Variants in SYTL5 observed in about 807,000 individuals in gnomAD.
SYTL5 encodes the protein synaptotagmin-like protein 5.
Under a neutral mutation model 55.9 loss-of-function variants are expected in SYTL5, and 34 were observed. The ratio of observed to expected loss-of-function variants is 0.61; its 90% CI spans 0.46 to 0.81. The LOEUF (loss-of-function observed/expected upper bound fraction) is 0.81, where lower values mean the gene tolerates loss of function less well. SYTL5 is among the 30% of genes least tolerant of loss of function. The pLI is 0.00. For synonymous variants in SYTL5, 221 were observed against 188.7 expected (o/e 1.17, Z -1.40); for missense variants, 637 against 546.7 (o/e 1.17, Z -1.65).
At chrX:38,083,773 C>CGTGTGTGTGT (rs1569180907) in intron 6 of SYTL5, among the ~76,000 whole-genome samples, 498 of 40,188 alleles carry the variant, frequency 0.012, 15 homozygotes, top group Admixed American at 0.12. Context: ...TAAATAGACT[C>CGTGTGTGTGT]ATGTGTGTGT....
rs1935028711 is a variant in SYTL5 at position 38,033,821 on chromosome X, T to C, written c.-69T>C. 1 of 588,657 alleles carries C rather than the reference T, an allele frequency of 1.7e-6. No individual in the cohort carries two copies. Among genetic ancestry groups the C allele is most frequent in the Admixed American group, 2.9e-5 (1 of 35,079 alleles). The allele number at this position is 588,657 out of a possible 1,213,427, so 48.5% of individuals were successfully genotyped here. ...GATTCTGAATTGGTTGGGGGAATCT[T>C]AGTTGTAGATATCAATTCACCTTCT... On this transcript the variant is annotated 5_prime_UTR_variant, in exon 2 of 17. Coordinates refer to ENST00000297875, the MANE Select transcript of SYTL5 (RefSeq NM_138780.3).
rs577958996 is a variant in SYTL5, at chrX:38,121,693, T to G, written c.1706-387T>G. On this transcript the variant is annotated intron_variant, in intron 14 of 16. Coordinates refer to ENST00000297875, the MANE Select transcript of SYTL5 (RefSeq NM_138780.3). ...AAATATCAAAGGGAGTTATTGAATTTTCTCTTTTTGAGTTTTGGTGCATGT... is the reference window on the plus strand; with the variant it reads ...AAATATCAAAGGGAGTTATTGAATTGTCTCTTTTTGAGTTTTGGTGCATGT... Among the ~76,000 whole-genome samples the G allele has an allele frequency of 3.6e-4, 41 of 112,544 alleles. No homozygotes were observed. In the South Asian group the frequency reaches 0.015, roughly 41 times the overall value.
chrX:38,038,461 A>G (rs780982123), intron 2 of SYTL5, among the ~76,000 whole-genome samples: 6 of 112,174 alleles, frequency 5.3e-5, no homozygotes, highest in Non-Finnish European at 7.5e-5. Flanking sequence ...AGAAATTTAG[A>G]TGGGTAACAG....
At chrX:37,889,731 C>T in the SYTL5 span, among the ~76,000 whole-genome samples, 1 of 110,168 alleles carries the variant, frequency 9.1e-6, no homozygotes, top group Admixed American at 9.7e-5. Flanking sequence ...ATGAAGGCCT[C>T]TTGGCAATTT....
chrX:37,915,485 G>A, the SYTL5 span, among the ~76,000 whole-genome samples: 4 of 111,551 alleles, frequency 3.6e-5, no homozygotes, highest in South Asian at 1.1e-3. Flanking sequence ...GCAATTGTGT[G>A]GTATAGTACT....
At chrX:38,082,971 A>G (rs1353386946) in intron 6 of SYTL5, among the ~76,000 whole-genome samples, 2 of 112,335 alleles carry the variant, frequency 1.8e-5, no homozygotes, top group Non-Finnish European at 3.8e-5. Flanking sequence ...TATATGCAAT[A>G]TAACATCCTA....
Position 38,126,971 on chromosome X carries a change from G to A in SYTL5, c.*241G>A, listed in dbSNP as rs951496260. 3.0e-6 allele frequency: 1 copy of A among 333,830 alleles called. No homozygotes were observed. The highest frequency in any genetic ancestry group is 5.2e-6 in the Non-Finnish European group (1 of 191,439). The allele number at this position is 333,830 out of a possible 1,213,427, so 27.5% of individuals were successfully genotyped here. A position where few individuals can be genotyped will look rare whatever the true frequency, so the allele number is the denominator to read the frequency against. On this transcript the variant is annotated 3_prime_UTR_variant, in exon 17 of 17. Coordinates refer to ENST00000297875, the MANE Select transcript of SYTL5 (RefSeq NM_138780.3). ...TGATAGAAAGTGTACTACTTGTCCTGTCAACAAGCAAATTGTGCAAAGGCT... is the reference window on the plus strand; with the variant it reads ...TGATAGAAAGTGTACTACTTGTCCTATCAACAAGCAAATTGTGCAAAGGCT...
chrX:37,942,712 C>T, the SYTL5 span, among the ~76,000 whole-genome samples: 1 of 111,330 alleles, frequency 9.0e-6, no homozygotes, highest in African/African-American at 3.3e-5. Flanking sequence ...TGTGTGTGGC[C>T]GATTTCTAAA....
intron 6 of SYTL5, 46 bp from the exon 7 acceptor site, chrX:38,089,400 G>T: frequency 8.6e-7 from 1 of 1,167,648 alleles, no homozygotes; most frequent in Non-Finnish European, 1.1e-6. Context: ...GTATTTGGTT[G>T]CTGCTCTGCT....
chrX:38,090,056 C>A (rs1189351040), intron 7 of SYTL5, among the ~76,000 whole-genome samples: 1 of 112,153 alleles, frequency 8.9e-6, no homozygotes, highest in Non-Finnish European at 1.9e-5. Flanking sequence ...GAACCTCCTG[C>A]ATCTTAGCTC....
chrX:37,990,996 C>A, the SYTL5 span: 1 of 1,210,350 alleles, frequency 8.3e-7, no homozygotes, highest in African/African-American at 1.7e-5. Context: ...AATAAATACC[C>A]TCCTTACCTT....
intron 7 of SYTL5, among the ~76,000 whole-genome samples, chrX:38,090,855 TAGA>T (rs1936784378): frequency 1.8e-5 from 2 of 112,309 alleles, no homozygotes; most frequent in Admixed American, 1.9e-4. Flanking sequence ...TTAATGCCTC[TAGA>T]AGAACAGCCA....
chrX:37,996,727 C>T, the SYTL5 span, among the ~76,000 whole-genome samples: 2 of 111,937 alleles, frequency 1.8e-5, no homozygotes, highest in East Asian at 5.6e-4. Context: ...TTTTGGGAAG[C>T]AAAGCATTTT....
At chrX:37,990,999 C>G in the SYTL5 span, 1 of 1,211,973 alleles carries the variant, frequency 8.3e-7, no homozygotes, top group Non-Finnish European at 1.1e-6. Context: ...AAATACCCTC[C>G]TTACCTTGCT....
the SYTL5 span, among the ~76,000 whole-genome samples, chrX:37,909,058 T>C: frequency 9.1e-6 from 1 of 110,483 alleles, no homozygotes; most frequent in African/African-American, 3.3e-5. Context: ...GTTCAACAGA[T>C]TATCTTTGGG....
At chrX:37,938,847 A>G in the SYTL5 span, among the ~76,000 whole-genome samples, 2 of 112,303 alleles carry the variant, frequency 1.8e-5, no homozygotes, top group Non-Finnish European at 3.8e-5. Context: ...CCTTCTGGCA[A>G]TTGTTCTTTC....
At chrX:37,943,333 T>A in the SYTL5 span, among the ~76,000 whole-genome samples, 2 of 111,724 alleles carry the variant, frequency 1.8e-5, no homozygotes, top group African/African-American at 6.5e-5. Context: ...TAATGAAGGC[T>A]TTATTTGGGG....
At chrX:37,909,144 GCA>G in the SYTL5 span, among the ~76,000 whole-genome samples, 23,698 of 108,728 alleles carry the variant, frequency 0.22, 2,384 homozygotes, top group African/African-American at 0.37. Context: ...ATGGTCCCTA[GCA>G]CACACACACA....
chrX:38,019,145 C>T (rs773359913), intron 1 of SYTL5, among the ~76,000 whole-genome samples: 1 of 112,542 alleles, frequency 8.9e-6, no homozygotes, highest in South Asian at 3.7e-4. Flanking sequence ...CAGATGAAAA[C>T]GGAGCTGCTC....
Sources: allele counts gnomAD v4.1 joint callset (sites outside exome capture counted in the v4.1 genomes callset), GRCh38; gene constraint gnomAD v4.1.1; transcripts MANE v1.5; gene names NCBI Gene and HGNC (gene_info 2026-07-23, HGNC 2026-07-21).